TRHR: variants seen among roughly 807,000 people sequenced by gnomAD.
The protein encoded by TRHR is thyrotropin-releasing hormone receptor.
Under a neutral mutation model 28.0 loss-of-function variants are expected in TRHR, and 14 were observed. The observed-to-expected ratio is 0.50, with a 90% confidence interval of 0.33 to 0.78. The LOEUF (loss-of-function observed/expected upper bound fraction) is 0.78, where lower values mean the gene tolerates loss of function less well. Ranked by LOEUF, TRHR falls within the 30% of genes least tolerant of loss-of-function variation. The probability of loss-of-function intolerance (pLI) is 0.02; values close to 1 mark genes in which losing one functional copy is unlikely to be tolerated. For missense variants in TRHR, 438 were observed against 469.5 expected, an observed-to-expected ratio of 0.93 and a Z score of 0.62; for synonymous variants, 176 against 171.9, an observed-to-expected ratio of 1.02 and a Z score of -0.18.
intron 2 of TRHR, among the ~76,000 whole-genome samples, chr8:109,095,995 T>G (rs1811585034): frequency 6.6e-6 from 1 of 152,134 alleles, no homozygotes; most frequent in Admixed American, 6.5e-5. Context: ...CATGGCACTC[T>G]CCTCCAAATC....
At chr8:109,098,753 G>A (rs1045484352) in intron 2 of TRHR, among the ~76,000 whole-genome samples, 9 of 152,202 alleles carry the variant, frequency 5.9e-5, no homozygotes, top group Admixed American at 2.0e-4. Context: ...TCGGTAGCCC[G>A]TTATTTGACC....
At chr8:109,108,350 T>TAGG (rs1278826708) in intron 2 of TRHR, among the ~76,000 whole-genome samples, 1 of 152,180 alleles carries the variant, frequency 6.6e-6, no homozygotes, top group Admixed American at 6.6e-5. Flanking sequence ...AGGAATCACT[T>TAGG]ATCTGTGTCT....
intron 2 of TRHR, among the ~76,000 whole-genome samples, chr8:109,101,185 T>C (rs1811672888): frequency 6.6e-6 from 1 of 152,256 alleles, no homozygotes. Context: ...TGGAACAATA[T>C]GGGCAAGATA....
chr8:109,098,180 G>A (rs1221645053), intron 2 of TRHR, among the ~76,000 whole-genome samples: 3 of 151,610 alleles, frequency 2.0e-5, no homozygotes, highest in Non-Finnish European at 4.4e-5. Context: ...CTCAGGTTGG[G>A]GTGCAGTGGC....
intron 2 of TRHR, among the ~76,000 whole-genome samples, chr8:109,091,943 A>G (rs1811522947): frequency 6.6e-6 from 1 of 152,198 alleles, no homozygotes; most frequent in East Asian, 1.9e-4. Flanking sequence ...AGAGTCCCTC[A>G]GTTCAGTCAA....
chr8:109,087,597 ATCTTACT>A lies in TRHR; in HGVS notation c.87_93del (p.Ile29MetfsTer11), dbSNP rs761141454. On this transcript the variant is annotated frameshift_variant, in exon 2 of 3. Coordinates refer to ENST00000518632, the MANE Select transcript of TRHR (RefSeq NM_003301.7). LOFTEE classifies it high-confidence loss of function. ...GGCCTTAGAATACCAGGTGGTCACC[ATCTTACT>A]TGTACTCATTATTTGTGGCCTGGGC... 6.2e-7 allele frequency: 1 copy of A among 1,614,212 alleles called. No homozygotes were observed.
chr8:109,119,300 T>C lies in TRHR; in HGVS notation c.1042T>C (p.Tyr348His). 4.3e-6 allele frequency: 7 copies of C among 1,612,744 alleles called. No individual in the cohort carries two copies. Among genetic ancestry groups the C allele is most frequent in the Non-Finnish European group, 5.9e-6 (7 of 1,179,206 alleles). The change falls in exon 3 of 3, where the codon TAC becomes CAC. Residue 348 changes from tyrosine to histidine, a missense_variant. Coordinates refer to ENST00000518632, the MANE Select transcript of TRHR (RefSeq NM_003301.7). ...GAAGCCAACAGAGAAACCTGCTAAC[T>C]ACAGTGTGGCCCTAAATTACAGCGT... is the stretch of plus-strand genomic sequence containing the variant. ...KQKPTEKPAN[Y>H]SVALNYSVIK...
intron 2 of TRHR, among the ~76,000 whole-genome samples, chr8:109,103,116 A>G (rs1459434427): frequency 6.6e-6 from 1 of 152,168 alleles, no homozygotes; most frequent in Non-Finnish European, 1.5e-5. Flanking sequence ...CCTAATTCCA[A>G]ATCAATAGAA....
chr8:109,101,320 A>G (rs1586189412), intron 2 of TRHR, among the ~76,000 whole-genome samples: 1 of 152,220 alleles, frequency 6.6e-6, no homozygotes, highest in East Asian at 1.9e-4. Context: ...CGGAATAGAA[A>G]GGAGTCAAAG....
chr8:109,111,277 C>T (rs1190838254), intron 2 of TRHR, among the ~76,000 whole-genome samples: 1 of 152,156 alleles, frequency 6.6e-6, no homozygotes, highest in Non-Finnish European at 1.5e-5. Context: ...GGAAGCTTGG[C>T]TAAATTCAGA....
intron 2 of TRHR, among the ~76,000 whole-genome samples, chr8:109,112,054 A>G (rs1811842519): frequency 1.3e-5 from 2 of 152,210 alleles, no homozygotes; most frequent in Admixed American, 6.5e-5. Context: ...CAAAAGTCAT[A>G]TGACCTGCCC....
intron 2 of TRHR, among the ~76,000 whole-genome samples, chr8:109,101,817 G>C (rs903659884): frequency 6.6e-6 from 1 of 152,138 alleles, no homozygotes; most frequent in African/African-American, 2.4e-5. Flanking sequence ...GAGATGGTTT[G>C]TTGAAGACAC....
chr8:109,096,479 G>A (rs1313468899), intron 2 of TRHR, among the ~76,000 whole-genome samples: 2 of 152,118 alleles, frequency 1.3e-5, no homozygotes, highest in Non-Finnish European at 2.9e-5. Flanking sequence ...CCAAAGAGTA[G>A]GGCCTTGCAT....
At chr8:109,102,477 G>A (rs997219133) in intron 2 of TRHR, among the ~76,000 whole-genome samples, 4 of 152,064 alleles carry the variant, frequency 2.6e-5, no homozygotes, top group African/African-American at 4.8e-5. Context: ...GTACATGGAC[G>A]TATCCAATAC....
At chr8:109,103,012 A>G (rs1347519625) in intron 2 of TRHR, among the ~76,000 whole-genome samples, 3 of 152,158 alleles carry the variant, frequency 2.0e-5, no homozygotes, top group African/African-American at 7.2e-5. Context: ...TCACTGAGGC[A>G]AGGATCTTAT....
chr8:109,092,292 A>G (rs1164519919), intron 2 of TRHR, among the ~76,000 whole-genome samples: 2 of 152,040 alleles, frequency 1.3e-5, no homozygotes, highest in South Asian at 4.1e-4. Context: ...TTTACTATGG[A>G]ATTCACTTGA....
At chr8:109,097,944 C>G (rs919532576) in intron 2 of TRHR, among the ~76,000 whole-genome samples, 1 of 152,064 alleles carries the variant, frequency 6.6e-6, no homozygotes, top group Non-Finnish European at 1.5e-5. Context: ...TCAAAATTCC[C>G]TACTGTCCTC....
chr8:109,097,524 T>C (rs1811612686), intron 2 of TRHR, among the ~76,000 whole-genome samples: 1 of 152,158 alleles, frequency 6.6e-6, no homozygotes, highest in Admixed American at 6.5e-5. Context: ...CAGTAGAATA[T>C]GAAAGATCTA....
At chr8:109,101,932 C>T (rs966057482) in intron 2 of TRHR, among the ~76,000 whole-genome samples, 2 of 151,758 alleles carry the variant, frequency 1.3e-5, no homozygotes, top group African/African-American at 4.8e-5. Context: ...AAATAAACAG[C>T]GAAGGAATAT....
Sources: allele counts gnomAD v4.1 joint callset (sites outside exome capture counted in the v4.1 genomes callset), GRCh38; gene constraint gnomAD v4.1.1; transcripts MANE v1.5; gene names NCBI Gene and HGNC (gene_info 2026-07-23, HGNC 2026-07-21).